The following PRKD3 variants were observed in gnomAD, a reference collection of about 807,000 sequenced individuals.
PRKD3 encodes the protein serine/threonine-protein kinase D3.
A neutral mutation model predicts 99.2 loss-of-function variants in PRKD3; 47 were observed. The observed-to-expected ratio is 0.47, with a 90% confidence interval of 0.38 to 0.60. The LOEUF (loss-of-function observed/expected upper bound fraction) is 0.60. Among genes scored for constraint, PRKD3 ranks in the 20% least tolerant of loss-of-function variants. PRKD3 has a pLI of 0.00. For missense variants in PRKD3, 1,019 were observed against 1,088.4 expected (o/e 0.94, Z 0.90); for synonymous variants, 392 against 355.4 (o/e 1.10, Z -1.16).
chr2:37,320,024 A>G (rs951852341), intron 1 of PRKD3, among the ~76,000 whole-genome samples: 3 of 152,244 alleles, frequency 2.0e-5, no homozygotes, highest in Non-Finnish European at 4.4e-5. Flanking sequence ...AGTAAGTTTT[A>G]GCAATTTTCA....
intron 1 of PRKD3, among the ~76,000 whole-genome samples, chr2:37,320,382 T>C (rs929944188): frequency 6.6e-6 from 1 of 150,790 alleles, no homozygotes; most frequent in African/African-American, 2.4e-5. Context: ...CAAAATAAAG[T>C]AGTAAAATAT....
chr2:37,290,995 T>C lies in PRKD3; in HGVS notation c.432A>G (p.Leu144=). Residue 144 remains leucine, a synonymous_variant, in exon 4 of 19, where the codon TTA becomes TTG. Coordinates refer to ENST00000234179, the MANE Select transcript of PRKD3 (RefSeq NM_005813.6). ...GAATCTGGAAGTCTTCTACTGTGGC[T>C]AAAGCTTTAAAAAAGAAAAGTATTA... ...GDLVEVVLSA[L]ATVEDFQIRP... The C allele has an allele frequency of 6.2e-7, 1 of 1,600,060 alleles. No homozygotes were observed. The highest frequency in any genetic ancestry group is 8.5e-7 in the Non-Finnish European group (1 of 1,174,630).
At position 37,316,606 on chromosome 2, in the gene PRKD3, GA is replaced by G; in HGVS notation, c.-83del. ...AGGTTTTTAAAATAACAGCAGTAAA[GA>G]AAATGACCGCACTTTTGGATTTAGT... On this transcript the variant is annotated 5_prime_UTR_variant, in exon 2 of 19. An upstream open reading frame in the 5' UTR gains an earlier in-frame stop. Coordinates refer to ENST00000234179, the MANE Select transcript of PRKD3 (RefSeq NM_005813.6). The G allele has an allele frequency of 5.3e-6, 8 of 1,519,818 alleles. No individual in the cohort carries two copies. Among genetic ancestry groups the G allele is most frequent in the Non-Finnish European group, 7.0e-6 (8 of 1,139,302 alleles). 94.1% of individuals were successfully genotyped at this position (1,519,818 alleles called of 1,614,324 possible). A position where few individuals can be genotyped will look rare whatever the true frequency, so the allele number is the denominator to read the frequency against.
rs1200911484 is a variant in PRKD3, at chr2:37,286,266, A to T, written c.821T>A (p.Phe274Tyr). The T allele has an allele frequency of 7.4e-6, 12 of 1,614,112 alleles. No individual in the cohort carries two copies. In the East Asian group the frequency reaches 2.7e-4, roughly 36 times the overall value. The stretch of plus-strand genomic sequence containing the variant: ...GGGACGGGTGTAAGAGTGAACAGCA[A>T]ATGTGTGTGGAACTTTCACTCTGCA... ...VMCRVKVPHT[F>Y]AVHSYTRPTI... is the part of the protein sequence containing the mutation. The change falls in exon 6 of 19, where the codon TTT becomes TAT. Residue 274 changes from phenylalanine to tyrosine, a missense_variant. This residue lies in a region of PRKD3 where 710 missense variants were observed against 692.7 expected (regional missense o/e 1.02). Transcript: ENST00000234179.
chr2:37,268,584 C>A, intron 13 of PRKD3: 2 of 236,358 alleles, frequency 8.5e-6, no homozygotes, highest in Non-Finnish European at 8.5e-6. Context: ...AGCAGGAGTA[C>A]CAAAGGGGAA....
At position 37,256,627 on chromosome 2, in the gene PRKD3, AATTTTTTTTTTTTTT is replaced by A; in HGVS notation, c.2413+20_2413+34del. On this transcript the variant is annotated intron_variant, in intron 17 of 18. Transcript: ENST00000234179. Reference sequence around the variant, plus strand: ...GTTTAGGCTTAAAACACATAGCCAAAATTTTTTTTTTTTTTTTTTTTTTTTTTTTTTTACCTTCAC... The same window carrying A: ...GTTTAGGCTTAAAACACATAGCCAAATTTTTTTTTTTTTTTTTACCTTCAC... 1.6e-6 allele frequency: 2 copies of A among 1,247,362 alleles called. No homozygotes were observed. Among genetic ancestry groups the A allele is most frequent in the South Asian group, 1.5e-5 (1 of 65,552 alleles). 77.3% of individuals were successfully genotyped at this position (1,247,362 alleles called of 1,614,324 possible). A position where few individuals can be genotyped will look rare whatever the true frequency, so the allele number is the denominator to read the frequency against.
At chr2:37,306,876 T>C (rs1348604318) in intron 2 of PRKD3, among the ~76,000 whole-genome samples, 1 of 152,216 alleles carries the variant, frequency 6.6e-6, no homozygotes, top group East Asian at 1.9e-4. Context: ...CTGCAATTCA[T>C]ATTTGTAAGA....
At chr2:37,301,779 A>G (rs1670942297) in intron 2 of PRKD3, among the ~76,000 whole-genome samples, 2 of 152,238 alleles carry the variant, frequency 1.3e-5, no homozygotes, top group Admixed American at 6.5e-5. Context: ...GAAAAGCAGC[A>G]GAGGTGATGA....
intron 7 of PRKD3, among the ~76,000 whole-genome samples, chr2:37,281,448 T>A (rs1035646152): frequency 2.0e-5 from 3 of 152,154 alleles, no homozygotes; most frequent in African/African-American, 7.2e-5. Flanking sequence ...GGCAAGGGTA[T>A]TAGGTAGTGG....
intron 2 of PRKD3, among the ~76,000 whole-genome samples, chr2:37,306,640 C>G (rs1259778951): frequency 6.6e-6 from 1 of 152,174 alleles, no homozygotes. Flanking sequence ...GAAACCCCAT[C>G]TGTACAAAAA....
intron 1 of PRKD3, among the ~76,000 whole-genome samples, chr2:37,319,462 A>C (rs1028485697): frequency 6.6e-6 from 1 of 152,216 alleles, no homozygotes; most frequent in Non-Finnish European, 1.5e-5. Context: ...GAAATAAACT[A>C]AAATTAAACT....
At chr2:37,267,289 G>A in intron 14 of PRKD3, 141 bp downstream of exon 14, 1 of 504,046 alleles carries the variant, frequency 2.0e-6, no homozygotes, top group East Asian at 3.3e-5. Flanking sequence ...CTACCATAAA[G>A]CAAGATATTG....
chr2:37,321,325 G>A (rs887455843), intron 1 of PRKD3, among the ~76,000 whole-genome samples: 3 of 152,020 alleles, frequency 2.0e-5, no homozygotes, highest in African/African-American at 7.3e-5. Context: ...CATTGTTACT[G>A]GAATCAAAAT....
At chr2:37,320,280 T>C (rs1243891363) in intron 1 of PRKD3, among the ~76,000 whole-genome samples, 2 of 152,134 alleles carry the variant, frequency 1.3e-5, no homozygotes, top group Non-Finnish European at 1.5e-5. Flanking sequence ...CATTATTCCA[T>C]ATCCAACAAC....
chr2:37,260,946 C>G (rs1668390372), intron 14 of PRKD3, among the ~76,000 whole-genome samples: 1 of 152,148 alleles, frequency 6.6e-6, no homozygotes, highest in Non-Finnish European at 1.5e-5. Context: ...AGATGAATGC[C>G]ATACTATTTA....
At chr2:37,272,299 A>G in intron 12 of PRKD3, 81 bp downstream of exon 12, 1 of 1,554,894 alleles carries the variant, frequency 6.4e-7, no homozygotes. Flanking sequence ...CGATGAACCA[A>G]TTTCTCTAAT....
chr2:37,277,857 A>T lies in PRKD3; in HGVS notation c.1296+9T>A. The T allele has an allele frequency of 6.2e-7, 1 of 1,609,684 alleles. No individual in the cohort carries two copies. ...TTACTAGCATATTCAAATGTATTTG[A>T]TTACTGACCAGGTTATCCCTGCTGG... On this transcript the variant is annotated intron_variant, in intron 9 of 18. Coordinates refer to ENST00000234179, the MANE Select transcript of PRKD3 (RefSeq NM_005813.6).
At position 37,251,348 on chromosome 2, in the gene PRKD3, A is replaced by G. The variant is rs1358638482; in HGVS notation, c.*1829T>C. 1 of 152,570 alleles carries G rather than the reference A, an allele frequency of 6.6e-6. No homozygotes were observed. The highest frequency in any genetic ancestry group is 1.5e-5 in the Non-Finnish European group (1 of 68,000). 9.5% of individuals were successfully genotyped at this position (152,570 alleles called of 1,614,324 possible). On this transcript the variant is annotated 3_prime_UTR_variant, in exon 19 of 19. Coordinates refer to ENST00000234179, the MANE Select transcript of PRKD3 (RefSeq NM_005813.6). ...GGGCTAAGGGTAAGATTAGAGCCATACTACTGGTCTCAAATACTACTAACT... is the reference window on the plus strand; with the variant it reads ...GGGCTAAGGGTAAGATTAGAGCCATGCTACTGGTCTCAAATACTACTAACT...
At chr2:37,291,471 C>T (rs900169192) in intron 3 of PRKD3, among the ~76,000 whole-genome samples, 2 of 152,190 alleles carry the variant, frequency 1.3e-5, no homozygotes, top group African/African-American at 4.8e-5. Context: ...GAAAGAAACT[C>T]CTTTCCCCTT....
Sources: allele counts gnomAD v4.1 joint callset (sites outside exome capture counted in the v4.1 genomes callset), GRCh38; gene constraint gnomAD v4.1.1; regional missense constraint gnomAD v4.1.1; transcripts MANE v1.5; gene names NCBI Gene and HGNC (gene_info 2026-07-23, HGNC 2026-07-21).